KAT2B: variants seen among roughly 807,000 people sequenced by gnomAD.
The protein encoded by KAT2B is lysine acetyltransferase 2B.
In KAT2B, 36 loss-of-function variants were observed where a neutral mutation model predicts 105.9. The ratio of observed to expected loss-of-function variants is 0.34; its 90% CI spans 0.26 to 0.45. KAT2B has a LOEUF of 0.45. Among genes scored for constraint, KAT2B ranks in the 20% least tolerant of loss-of-function variants. KAT2B has a pLI of 1.00. For missense variants in KAT2B, 820 were observed against 1,021.6 expected (o/e 0.80, Z 2.69); for synonymous variants, 397 against 377.9 (o/e 1.05, Z -0.59).
At chr3:20,053,636 A>G (rs1377357237) in intron 1 of KAT2B, among the ~76,000 whole-genome samples, 4 of 152,214 alleles carry the variant, frequency 2.6e-5, no homozygotes, top group Non-Finnish European at 4.4e-5. Context: ...CATATATTCT[A>G]GAAGTCTGTA....
chr3:20,048,504 G>A (rs545055787), intron 1 of KAT2B, among the ~76,000 whole-genome samples: 2 of 152,192 alleles, frequency 1.3e-5, no homozygotes, highest in South Asian at 4.2e-4. Flanking sequence ...TTAATTCTGC[G>A]GTTGTTAAGT....
chr3:20,144,387 C>T (rs371071253), intron 13 of KAT2B, among the ~76,000 whole-genome samples: 119 of 143,632 alleles, frequency 8.3e-4, no homozygotes, highest in African/African-American at 2.9e-3. Flanking sequence ...CTCCTGGGTT[C>T]GCACCATTCT....
In KAT2B at chr3:20,121,373, T is replaced by C. The variant is rs1017600484; in HGVS notation, c.1277-1295T>C. 2.6e-5 allele frequency among the ~76,000 whole-genome samples: 4 copies of C among 152,280 alleles called. No individual in the cohort carries two copies. In the East Asian group the frequency reaches 7.7e-4, roughly 29 times the overall value. ...AGACATCTTAAAAATTCAAAAAATT[T>C]ACTTGTAAAAATAAATACATGTTAT... On this transcript the variant is annotated intron_variant, in intron 8 of 17. Coordinates refer to ENST00000263754, the MANE Select transcript of KAT2B (RefSeq NM_003884.5).
intron 8 of KAT2B, among the ~76,000 whole-genome samples, chr3:20,120,722 G>C (rs903275198): frequency 6.6e-6 from 1 of 152,120 alleles, no homozygotes; most frequent in African/African-American, 2.4e-5. Flanking sequence ...AATATCTCTT[G>C]AGCCTAGAAG....
intron 11 of KAT2B, among the ~76,000 whole-genome samples, chr3:20,131,932 T>C (rs541851556): frequency 1.3e-5 from 2 of 152,354 alleles, no homozygotes; most frequent in South Asian, 4.1e-4. Context: ...TTAAAATCTG[T>C]ATATGGTCAT....
chr3:20,110,151 A>G (rs1259171952), intron 5 of KAT2B, among the ~76,000 whole-genome samples: 12 of 152,198 alleles, frequency 7.9e-5, no homozygotes, highest in Non-Finnish European at 1.6e-4. Flanking sequence ...GCTGTCTCCC[A>G]TTTGAAAGGA....
rs577911999 is a variant in KAT2B, at chr3:20,120,760, G to T, written c.1276+1037G>T. On this transcript the variant is annotated intron_variant, in intron 8 of 17. Coordinates refer to ENST00000263754, the MANE Select transcript of KAT2B (RefSeq NM_003884.5). ...TTTCACAGTTAGAGAATGTTTTGAA[G>T]GTTGCATTTCTGTCCACAGACTTGA... 8.5e-4 allele frequency among the ~76,000 whole-genome samples: 130 copies of T among 152,190 alleles called. 1 individual carries two copies. Among genetic ancestry groups the T allele is most frequent in the African/African-American group, 3.1e-3 (129 of 41,532 alleles).
At chr3:20,102,496 GT>G (rs1439634186) in intron 5 of KAT2B, among the ~76,000 whole-genome samples, 4 of 151,978 alleles carry the variant, frequency 2.6e-5, no homozygotes, top group Admixed American at 6.5e-5. Context: ...CATTTCACAG[GT>G]TACATTATAG....
intron 3 of KAT2B, among the ~76,000 whole-genome samples, chr3:20,097,064 T>C (rs1698823839): frequency 6.6e-6 from 1 of 152,088 alleles, no homozygotes. Flanking sequence ...AGGTGACAAC[T>C]TGTTGACATG....
At chr3:20,149,347 T>C (rs1699829039) in intron 17 of KAT2B, among the ~76,000 whole-genome samples, 1 of 147,536 alleles carries the variant, frequency 6.8e-6, no homozygotes, top group African/African-American at 2.7e-5. Flanking sequence ...AAGTAAAAAA[T>C]TAGCCAGGTG....
chr3:20,064,456 C>G (rs960561497), intron 1 of KAT2B, among the ~76,000 whole-genome samples: 4 of 152,156 alleles, frequency 2.6e-5, no homozygotes, highest in Non-Finnish European at 5.9e-5. Flanking sequence ...CTCCTCCTAT[C>G]TATATTTGGT....
At position 20,126,089 on chromosome 3, in the gene KAT2B, A is replaced by G; in HGVS notation, c.1598A>G (p.Tyr533Cys). ...CAGCTGCCCCGAATGCCAAAAGAAT[A>G]CATCACACGGCTCGTCTTTGACCCG... ...SHQLPRMPKE[Y>C]ITRLVFDPKH... Residue 533 changes from tyrosine (Y) to cysteine (C), a missense_variant, in exon 10 of 18, where the codon TAC (tyrosine) becomes TGC (cysteine). This residue lies in a region of KAT2B where 225 missense variants were observed against 268.1 expected (regional missense o/e 0.84). Transcript: ENST00000263754. 1 of 1,609,496 alleles carries G rather than the reference A, an allele frequency of 6.2e-7. No homozygotes were observed. Among genetic ancestry groups the G allele is most frequent in the East Asian group, 2.2e-5 (1 of 44,780 alleles).
chr3:20,144,003 C>A (rs1699738719), intron 13 of KAT2B, among the ~76,000 whole-genome samples: 1 of 152,028 alleles, frequency 6.6e-6, no homozygotes, highest in South Asian at 2.1e-4. Context: ...ACCCATAATA[C>A]CCCCTGTATC....
At position 20,145,554 on chromosome 3, in the gene KAT2B, G is replaced by GTTTTTTTTTT. The variant is rs550166293; in HGVS notation, c.2005-746_2005-737dup. Among the ~76,000 whole-genome samples the GTTTTTTTTTT allele has an allele frequency of 2.3e-3, 215 of 92,042 alleles. 5 individuals carry two copies. Among genetic ancestry groups the GTTTTTTTTTT allele is most frequent in the South Asian group, 3.6e-3 (10 of 2,748 alleles). The allele number at this position is 92,042 out of a possible 152,430, so 60.4% of individuals were successfully genotyped here. A position where few individuals can be genotyped will look rare whatever the true frequency, so the allele number is the denominator to read the frequency against. ...TTAATTTCCGGATGGGATTTTTTTA[G>GTTTTTTTTTT]TTTTTTTTTTTTTTTTTTTTTTTTT... is the stretch of plus-strand genomic sequence containing the variant. On this transcript the variant is annotated intron_variant, in intron 13 of 17. Coordinates refer to ENST00000263754, the MANE Select transcript of KAT2B (RefSeq NM_003884.5).
chr3:20,054,329 A>G (rs2125167948), intron 1 of KAT2B, among the ~76,000 whole-genome samples: 1 of 152,078 alleles, frequency 6.6e-6, no homozygotes, highest in Middle Eastern at 3.4e-3. Flanking sequence ...GGGTTTTACC[A>G]TCTTGGCCAG....
At chr3:20,072,638 G>A (rs906549059) in intron 2 of KAT2B, among the ~76,000 whole-genome samples, 179 bp downstream of exon 2, 13 of 152,228 alleles carry the variant, frequency 8.5e-5, no homozygotes, top group African/African-American at 3.1e-4. Flanking sequence ...AGAGACAAAT[G>A]CTGCACTGTG....
chr3:20,126,095 C>G lies in KAT2B; in HGVS notation c.1604C>G (p.Thr535Arg), dbSNP rs762920270. ...CCCCGAATGCCAAAAGAATACATCA[C>G]ACGGCTCGTCTTTGACCCGTAAGTG... ...QLPRMPKEYI[T>R]RLVFDPKHKT... is the part of the protein sequence containing the mutation. Residue 535 changes from threonine (T) to arginine (R), a missense_variant, in exon 10 of 18, where the codon ACA becomes AGA. Around this residue, in one of 6 missense-constraint regions of KAT2B, gnomAD observed 225 missense variants for 268.1 expected, o/e 0.84. Transcript: ENST00000263754. 1 of 1,605,578 alleles carries G rather than the reference C, an allele frequency of 6.2e-7. No individual in the cohort carries two copies. The highest frequency in any genetic ancestry group is 8.5e-7 in the Non-Finnish European group (1 of 1,175,414).
intron 1 of KAT2B, among the ~76,000 whole-genome samples, chr3:20,062,257 ATG>A (rs1157064162): frequency 0.066 from 2,008 of 30,422 alleles, 229 homozygotes; most frequent in African/African-American, 0.093. Context: ...TATATAAAAT[ATG>A]ATATATAATA....
At chr3:20,067,944 G>A (rs1254846647) in intron 1 of KAT2B, among the ~76,000 whole-genome samples, 1 of 149,030 alleles carries the variant, frequency 6.7e-6, no homozygotes, top group African/African-American at 2.5e-5. Flanking sequence ...CAAAGTTCTA[G>A]GATTACCTGT....
Sources: gnomAD v4.1 joint callset for allele counts (sites outside exome capture counted in the v4.1 genomes callset) on GRCh38, gnomAD v4.1.1 for gene constraint, gnomAD v4.1.1 regional missense constraint, MANE v1.5 for transcripts, NCBI Gene and HGNC (gene_info 2026-07-23, HGNC 2026-07-21) for gene names.